The following GRIN2B variants were observed in gnomAD, a reference collection of about 807,000 sequenced individuals.
The protein encoded by GRIN2B is glutamate receptor ionotropic, NMDA 2B.
GRIN2B carries 5 observed loss-of-function variants against 114.5 expected under a neutral mutation model. The observed-to-expected ratio is 0.04, with a 90% confidence interval of 0.02 to 0.09. GRIN2B has a LOEUF of 0.09. Among genes scored for constraint, GRIN2B ranks in the 10% least tolerant of loss-of-function variants. GRIN2B has a pLI of 1.00. For synonymous variants in GRIN2B, 787 were observed against 745.1 expected (o/e 1.06, Z -0.92); for missense variants, 1,108 against 1,943.5 (o/e 0.57, Z 8.08).
At chr12:13,565,651 C>A (rs1310980736) in intron 13 of GRIN2B, among the ~76,000 whole-genome samples, 1 of 152,036 alleles carries the variant, frequency 6.6e-6, no homozygotes, top group Admixed American at 6.6e-5. Context: ...TTCTCCCTGG[C>A]TAGGGAAAGC....
chr12:13,897,239 C>T (rs1866368575), intron 2 of GRIN2B, among the ~76,000 whole-genome samples: 3 of 152,130 alleles, frequency 2.0e-5, no homozygotes, highest in East Asian at 1.9e-4. Flanking sequence ...GCCTCACTCA[C>T]GCGGGGAGAC....
chr12:13,810,219 ATT>A (rs35175755), intron 3 of GRIN2B, among the ~76,000 whole-genome samples: 1 of 137,430 alleles, frequency 7.3e-6, no homozygotes, highest in Admixed American at 7.3e-5. Flanking sequence ...GTCTCAAATC[ATT>A]TTTTTTTTTT....
At chr12:13,586,273 T>G (rs1448519375) in intron 10 of GRIN2B, among the ~76,000 whole-genome samples, 2 of 152,232 alleles carry the variant, frequency 1.3e-5, no homozygotes, top group Non-Finnish European at 2.9e-5. Context: ...ACTATGTACT[T>G]ATTCCAGGAA....
At chr12:13,685,362 GCTTCA>G (rs1471724311) in intron 4 of GRIN2B, among the ~76,000 whole-genome samples, 1 of 152,208 alleles carries the variant, frequency 6.6e-6, no homozygotes, top group Non-Finnish European at 1.5e-5. Context: ...GTTGGTGATG[GCTTCA>G]CTTACAGGGC....
intron 6 of GRIN2B, 41 bp downstream of exon 6, chr12:13,616,414 A>C (rs2136481062): frequency 1.4e-6 from 2 of 1,461,484 alleles, no homozygotes; most frequent in Admixed American, 3.3e-5. Context: ...ATCAAAGCTG[A>C]CTCTCCCATG....
chr12:13,761,558 G>A (rs1283088321), intron 3 of GRIN2B, among the ~76,000 whole-genome samples: 1 of 152,224 alleles, frequency 6.6e-6, no homozygotes, highest in Non-Finnish European at 1.5e-5. Context: ...AGAGCACTTT[G>A]AGAATGTGTT....
intron 5 of GRIN2B, among the ~76,000 whole-genome samples, chr12:13,623,036 T>A (rs768745493): frequency 6.6e-5 from 10 of 152,212 alleles, no homozygotes; most frequent in Admixed American, 1.3e-4. Flanking sequence ...TCAAAATACA[T>A]CTACATATAT....
intron 3 of GRIN2B, among the ~76,000 whole-genome samples, chr12:13,791,743 T>C: frequency 6.6e-6 from 1 of 152,184 alleles, no homozygotes; most frequent in East Asian, 1.9e-4. Flanking sequence ...GATACATTCA[T>C]ATAATGAAAT....
At chr12:13,827,139 G>A (rs1247528487) in intron 3 of GRIN2B, among the ~76,000 whole-genome samples, 2 of 143,248 alleles carry the variant, frequency 1.4e-5, no homozygotes, top group Non-Finnish European at 3.1e-5. Flanking sequence ...AATATTATAT[G>A]TCTTTTTTTC....
At chr12:13,614,732 T>C (rs1949413585) in intron 8 of GRIN2B, among the ~76,000 whole-genome samples, 1 of 152,232 alleles carries the variant, frequency 6.6e-6, no homozygotes, top group Admixed American at 6.5e-5. Flanking sequence ...GAAATTATTA[T>C]GGCAAGAAGC....
chr12:13,680,242 A>G (rs1950115106), intron 4 of GRIN2B, among the ~76,000 whole-genome samples: 1 of 152,176 alleles, frequency 6.6e-6, no homozygotes, highest in Non-Finnish European at 1.5e-5. Context: ...TTTTAATATT[A>G]ATTAGAACCT....
chr12:13,616,463 T>A lies in GRIN2B; in HGVS notation c.1320A>T (p.Ile440=), dbSNP rs753284709. 4 of 1,612,788 alleles carry A rather than the reference T, an allele frequency of 2.5e-6. No homozygotes were observed. Among genetic ancestry groups the A allele is most frequent in the Non-Finnish European group, 3.4e-6 (4 of 1,179,182 alleles). Reference sequence around the variant, plus strand: ...TTGAGAGGATGCCATACTCAGTGACTATGCGTTTTTGGCAGGGGACTGTGT... The same window carrying A: ...TTGAGAGGATGCCATACTCAGTGACAATGCGTTTTTGGCAGGGGACTGTGT... ...MRNTVPCQKR[I]VTENKTDEEP... is the part of the protein sequence containing the mutation. The change falls in exon 6 of 14, where the codon ATA becomes ATT. Residue 440 remains isoleucine (I), a synonymous_variant. Transcript: ENST00000609686.
At chr12:13,809,895 T>C (rs1309237880) in intron 3 of GRIN2B, among the ~76,000 whole-genome samples, 1 of 152,208 alleles carries the variant, frequency 6.6e-6, no homozygotes, top group African/African-American at 2.4e-5. Context: ...CCAGAAATGT[T>C]AGGCTGCTCT....
chr12:13,650,909 T>G (rs1949806466), intron 5 of GRIN2B, among the ~76,000 whole-genome samples: 1 of 152,104 alleles, frequency 6.6e-6, no homozygotes, highest in African/African-American at 2.4e-5. Flanking sequence ...TCCTGGTGCA[T>G]AGTAGGTGCT....
chr12:13,740,324 G>A (rs557356778), intron 4 of GRIN2B, among the ~76,000 whole-genome samples: 20 of 152,246 alleles, frequency 1.3e-4, no homozygotes, highest in Non-Finnish European at 2.8e-4. Flanking sequence ...TGAATGCTAT[G>A]TATTGTCCGT....
At chr12:13,875,224 GA>G (rs1164933964) in intron 2 of GRIN2B, among the ~76,000 whole-genome samples, 3 of 151,856 alleles carry the variant, frequency 2.0e-5, no homozygotes, top group South Asian at 2.1e-4. Flanking sequence ...AAAAGTTGAA[GA>G]AAAAAAATAA....
intron 4 of GRIN2B, among the ~76,000 whole-genome samples, chr12:13,733,687 T>C (rs989426868): frequency 1.3e-5 from 2 of 152,172 alleles, no homozygotes; most frequent in African/African-American, 2.4e-5. Context: ...CTGTATAATA[T>C]TGTGGTATAA....
chr12:13,680,436 T>TTGTG (rs56755720), intron 4 of GRIN2B, among the ~76,000 whole-genome samples: 5,294 of 123,290 alleles, frequency 0.043, 134 homozygotes, highest in Middle Eastern at 0.081. Context: ...CCCATCAAGG[T>TTGTG]TGTGTGTGTG....
rs528552756 is a variant in GRIN2B at position 13,639,503 on chromosome 12, C to T, written c.1126-22846G>A. On this transcript the variant is annotated intron_variant, in intron 5 of 13. Transcript: ENST00000609686. ...CAATGTCCCATCTCCTTTTACGTTC[C>T]CACACGTGTTCCACTTACTGGCCTT... 5.3e-5 allele frequency among the ~76,000 whole-genome samples: 8 copies of T among 152,240 alleles called. No homozygotes were observed. The South Asian group carries it at 1.7e-3, about 32-fold the overall frequency.
Sources: gnomAD v4.1 joint callset for allele counts (sites outside exome capture counted in the v4.1 genomes callset) on GRCh38, gnomAD v4.1.1 for gene constraint, MANE v1.5 for transcripts, NCBI Gene and HGNC (gene_info 2026-07-23, HGNC 2026-07-21) for gene names.